Variants in KIFAP3 observed in about 807,000 individuals in gnomAD.
KIFAP3 encodes kinesin-associated protein 3.
KIFAP3 carries 68 observed loss-of-function variants against 106.5 expected under a neutral mutation model. The ratio of observed to expected loss-of-function variants is 0.64; its 90% CI spans 0.53 to 0.78. The LOEUF is 0.78. Ranked by LOEUF, KIFAP3 falls within the 30% of genes least tolerant of loss-of-function variation. KIFAP3 has a pLI of 0.00. For missense variants in KIFAP3, 780 were observed against 941.8 expected (o/e 0.83, Z 2.25); for synonymous variants, 320 against 311.5 (o/e 1.03, Z -0.29).
chr1:170,015,602 A>G (rs777716673), intron 10 of KIFAP3, among the ~76,000 whole-genome samples: 33 of 152,284 alleles, frequency 2.2e-4, no homozygotes, highest in Non-Finnish European at 3.4e-4. Context: ...TTTCTGGTTA[A>G]GAAAGGCAAT....
intron 8 of KIFAP3, among the ~76,000 whole-genome samples, chr1:170,026,871 C>T (rs1669134311): frequency 6.6e-6 from 1 of 152,112 alleles, no homozygotes; most frequent in Non-Finnish European, 1.5e-5. Flanking sequence ...CTGCTTCTGT[C>T]CAGACTAACA....
intron 15 of KIFAP3, among the ~76,000 whole-genome samples, chr1:169,980,695 T>C (rs12128494): frequency 2.0e-5 from 3 of 152,334 alleles, no homozygotes; most frequent in Non-Finnish European, 4.4e-5. Flanking sequence ...GAAGGGAATA[T>C]GATGTTTAGA....
At chr1:169,930,878 A>T (rs977195993) in intron 19 of KIFAP3, among the ~76,000 whole-genome samples, 3 of 149,176 alleles carry the variant, frequency 2.0e-5, no homozygotes, top group African/African-American at 7.4e-5. Context: ...TCAGTCTATC[A>T]TCTTGCTGGA....
upstream of KIFAP3, among the ~76,000 whole-genome samples, chr1:170,076,806 A>G (rs1671927863): frequency 6.6e-6 from 1 of 152,242 alleles, no homozygotes; most frequent in African/African-American, 2.4e-5. Flanking sequence ...AAAATAATTT[A>G]AAGTGAGGCA....
chr1:170,054,130 A>G (rs1000279180), intron 2 of KIFAP3, among the ~76,000 whole-genome samples: 1 of 152,230 alleles, frequency 6.6e-6, no homozygotes, highest in Non-Finnish European at 1.5e-5. Context: ...TCCACAAGGA[A>G]CTTAAACAAA....
intron 19 of KIFAP3, among the ~76,000 whole-genome samples, chr1:169,934,587 T>C (rs1663680755): frequency 6.6e-6 from 1 of 152,160 alleles, no homozygotes; most frequent in African/African-American, 2.4e-5. Flanking sequence ...ACACAGGTCA[T>C]GAAAACGTTT....
chr1:170,009,121 G>A (rs1319303011), intron 10 of KIFAP3, among the ~76,000 whole-genome samples: 1 of 152,074 alleles, frequency 6.6e-6, no homozygotes, highest in African/African-American at 2.4e-5. Flanking sequence ...GGGGGAAGGG[G>A]CAGGAATAGC....
intron 9 of KIFAP3, among the ~76,000 whole-genome samples, chr1:170,019,045 TCAGA>T (rs1316786996): frequency 3.3e-5 from 5 of 152,128 alleles, no homozygotes; most frequent in African/African-American, 1.2e-4. Context: ...CTTCAGCCCT[TCAGA>T]CAGAGATAAA....
At chr1:170,035,724 T>C (rs797010498) in intron 5 of KIFAP3, among the ~76,000 whole-genome samples, 171 bp from the exon 6 acceptor site, 2 of 152,186 alleles carry the variant, frequency 1.3e-5, no homozygotes, top group African/African-American at 4.8e-5. Context: ...TAAAATGTAA[T>C]TTTACTTAAA....
chr1:170,034,172 G>A (rs944993661), intron 7 of KIFAP3, among the ~76,000 whole-genome samples, 200 bp downstream of exon 7: 7 of 151,830 alleles, frequency 4.6e-5, no homozygotes, highest in African/African-American at 1.2e-4. Flanking sequence ...AGGTTGTGAA[G>A]AGACAAAAAG....
At chr1:170,008,248 C>A (rs939590488) in intron 10 of KIFAP3, among the ~76,000 whole-genome samples, 2 of 151,594 alleles carry the variant, frequency 1.3e-5, no homozygotes, top group Admixed American at 1.3e-4. Context: ...GCAACGGCAA[C>A]AAAAGCCAAA....
intron 11 of KIFAP3, among the ~76,000 whole-genome samples, chr1:169,989,547 C>A (rs192419502): frequency 1.0e-3 from 157 of 152,132 alleles, no homozygotes; most frequent in Non-Finnish European, 1.3e-3. Flanking sequence ...CACCTGTAAT[C>A]TCACTTTGAC....
chr1:170,084,560 G>A (rs1369085756), intron 1 of KIFAP3, among the ~76,000 whole-genome samples: 2 of 152,154 alleles, frequency 1.3e-5, no homozygotes, highest in Non-Finnish European at 1.5e-5. Context: ...CACTTATCTT[G>A]GAGGATAGAG....
chr1:169,976,618 A>G (rs1666230933), intron 16 of KIFAP3, among the ~76,000 whole-genome samples: 1 of 152,190 alleles, frequency 6.6e-6, no homozygotes, highest in Admixed American at 6.6e-5. Flanking sequence ...TTAAGGCAGA[A>G]TAGTATTTGT....
At chr1:170,017,038 C>T (rs1411425127) in intron 9 of KIFAP3, among the ~76,000 whole-genome samples, 1 of 152,158 alleles carries the variant, frequency 6.6e-6, no homozygotes, top group Non-Finnish European at 1.5e-5. Flanking sequence ...GCGGGCAGAT[C>T]ACGAGGTCAA....
chr1:170,078,357 G>T (rs1279442018), upstream of KIFAP3, among the ~76,000 whole-genome samples: 1 of 151,702 alleles, frequency 6.6e-6, no homozygotes, highest in African/African-American at 2.4e-5. Context: ...TACCATTTTT[G>T]AATTCTCTTC....
intron 19 of KIFAP3, among the ~76,000 whole-genome samples, chr1:169,922,099 A>G (rs1409725065): frequency 6.6e-6 from 1 of 152,208 alleles, no homozygotes; most frequent in Admixed American, 6.5e-5. Flanking sequence ...AAATATGAAA[A>G]GATTTTACAT....
chr1:170,046,584 A>G, intron 3 of KIFAP3, 128 bp downstream of exon 3: 1 of 652,336 alleles, frequency 1.5e-6, no homozygotes, highest in East Asian at 2.9e-5. Flanking sequence ...CATTCATAAC[A>G]CTGGTGAAAA....
In KIFAP3 at chr1:169,961,067, G is replaced by C; in HGVS notation, c.2152C>G (p.Pro718Ala). 6.2e-7 allele frequency: 1 copy of C among 1,612,068 alleles called. No homozygotes were observed. Residue 718 changes from proline to alanine, a missense_variant, in exon 18 of 20, where the codon CCT becomes GCT. This residue lies in a region of KIFAP3 where 114 missense variants were observed against 122.3 expected (regional missense o/e 0.93). Transcript: ENST00000361580. ...TCACCTGAGTTGTAGAAAAGGTCAG[G>C]TCTTTCGAGAATATCTCCTTCATGA... ...YIHEGDILERPDLFYNSDGLI... is the reference protein window; with the variant it reads ...YIHEGDILERADLFYNSDGLI...
Sources: gnomAD v4.1 joint callset for allele counts (sites outside exome capture counted in the v4.1 genomes callset) on GRCh38, gnomAD v4.1.1 for gene constraint, gnomAD v4.1.1 regional missense constraint, MANE v1.5 for transcripts, NCBI Gene and HGNC (gene_info 2026-07-23, HGNC 2026-07-21) for gene names.